PSTPIP2: variants seen among roughly 807,000 people sequenced by gnomAD.
PSTPIP2 encodes the protein proline-serine-threonine phosphatase-interacting protein 2.
Under a neutral mutation model 63.3 loss-of-function variants are expected in PSTPIP2, and 33 were observed. That is an observed-to-expected ratio of 0.52 (90% CI 0.40 to 0.70). The LOEUF is 0.70. Among genes scored for constraint, PSTPIP2 ranks in the 30% least tolerant of loss-of-function variants. The pLI is 0.00. For missense variants in PSTPIP2, 312 were observed against 400.7 expected (o/e 0.78, Z 1.89); for synonymous variants, 125 against 132.7 (o/e 0.94, Z 0.40).
rs1458810143 is a variant in PSTPIP2 at position 46,072,209 on chromosome 18, G to T, written c.-21C>A. 1 of 1,533,528 alleles carries T rather than the reference G, an allele frequency of 6.5e-7. No homozygotes were observed. The highest frequency in any genetic ancestry group is 8.8e-7 in the Non-Finnish European group (1 of 1,140,104). The allele number at this position is 1,533,528 out of a possible 1,614,324, so 95.0% of individuals were successfully genotyped here. On this transcript the variant is annotated 5_prime_UTR_variant, in exon 1 of 15. Coordinates refer to ENST00000409746, the MANE Select transcript of PSTPIP2 (RefSeq NM_024430.4). ...GTCATCGCAGCGCGAGTGGGGGCGC[G>T]GAGGAGAGCCGGGCCGCAGGTAGCA...
chr18:46,021,442 A>T (rs1789414), intron 3 of PSTPIP2, among the ~76,000 whole-genome samples: 47,607 of 149,830 alleles, frequency 0.32, 10,772 homozygotes, highest in African/African-American at 0.63. Flanking sequence ...TATATATATA[A>T]AAAACCAAAT....
chr18:45,995,178 G>A (rs888660381), intron 9 of PSTPIP2, among the ~76,000 whole-genome samples: 4 of 152,066 alleles, frequency 2.6e-5, no homozygotes, highest in South Asian at 4.1e-4. Flanking sequence ...GCAGTGGTGC[G>A]CTCATGGCTC....
intron 12 of PSTPIP2, 103 bp from the exon 13 acceptor site, chr18:45,990,859 T>G: frequency 1.1e-6 from 1 of 944,794 alleles, no homozygotes; most frequent in Non-Finnish European, 1.6e-6. Flanking sequence ...AGATCTGGTT[T>G]CTGCACTGGA....
At chr18:46,004,830 A>G (rs781557586) in intron 6 of PSTPIP2, among the ~76,000 whole-genome samples, 3 of 152,212 alleles carry the variant, frequency 2.0e-5, no homozygotes, top group Non-Finnish European at 2.9e-5. Flanking sequence ...AAGCAGAACT[A>G]CCATTTGACC....
chr18:46,025,926 T>G (rs907664838), intron 2 of PSTPIP2, among the ~76,000 whole-genome samples: 2 of 152,146 alleles, frequency 1.3e-5, no homozygotes, highest in Non-Finnish European at 1.5e-5. Context: ...AGCTAATTTT[T>G]GTATTTTTAG....
At chr18:46,028,318 A>G in intron 2 of PSTPIP2, 1 of 469,478 alleles carries the variant, frequency 2.1e-6, no homozygotes, top group African/African-American at 2.0e-5. Context: ...GGCGGACTGG[A>G]AAGCCGGAGC....
At chr18:46,037,482 G>T (rs1345386595) in intron 2 of PSTPIP2, among the ~76,000 whole-genome samples, 1 of 152,264 alleles carries the variant, frequency 6.6e-6, no homozygotes, top group Non-Finnish European at 1.5e-5. Context: ...GTCAAATAAT[G>T]TTTAAGACTC....
chr18:46,001,279 C>T (rs144412134), intron 6 of PSTPIP2, among the ~76,000 whole-genome samples: 1 of 152,232 alleles, frequency 6.6e-6, no homozygotes, highest in African/African-American at 2.4e-5. Context: ...TTTTTGATAA[C>T]AGCCATCCTA....
chr18:46,072,119 C>A (rs1398810011), intron 1 of PSTPIP2, 37 bp downstream of exon 1: 1 of 1,526,182 alleles, frequency 6.6e-7, no homozygotes, highest in African/African-American at 1.4e-5. Flanking sequence ...GGGCCGGGTC[C>A]TGAGCCCCGC....
chr18:46,053,103 T>C (rs1246329341), intron 1 of PSTPIP2, among the ~76,000 whole-genome samples: 1 of 152,186 alleles, frequency 6.6e-6, no homozygotes, highest in Non-Finnish European at 1.5e-5. Context: ...GTGTCCATTG[T>C]TTATTCCAAG....
At chr18:46,047,843 A>C (rs1263942807) in intron 1 of PSTPIP2, among the ~76,000 whole-genome samples, 2 of 152,284 alleles carry the variant, frequency 1.3e-5, no homozygotes, top group Non-Finnish European at 2.9e-5. Context: ...TAATGGATTT[A>C]GTATTCATTT....
At chr18:46,037,725 GC>G (rs1243401468) in intron 2 of PSTPIP2, among the ~76,000 whole-genome samples, 1 of 152,180 alleles carries the variant, frequency 6.6e-6, no homozygotes, top group Non-Finnish European at 1.5e-5. Context: ...GAGGCCCAAA[GC>G]CAAGCAGGCC....
chr18:46,061,864 T>G (rs2144132865), intron 1 of PSTPIP2, among the ~76,000 whole-genome samples: 1 of 152,286 alleles, frequency 6.6e-6, no homozygotes, highest in South Asian at 2.1e-4. Flanking sequence ...TTACAAGAGG[T>G]GGGGCCACCA....
intron 1 of PSTPIP2, among the ~76,000 whole-genome samples, chr18:46,067,693 T>C (rs1339989329): frequency 6.6e-6 from 1 of 152,148 alleles, no homozygotes; most frequent in African/African-American, 2.4e-5. Context: ...CAAGTCCAAA[T>C]AAGGCAACCA....
chr18:45,999,412 C>G (rs371042505), intron 7 of PSTPIP2, 24 bp downstream of exon 7: 7 of 1,610,730 alleles, frequency 4.3e-6, no homozygotes, highest in Non-Finnish European at 4.2e-6. Flanking sequence ...TCAGATTTTT[C>G]GGGTTGTTAG....
intron 2 of PSTPIP2, among the ~76,000 whole-genome samples, chr18:46,039,259 T>A (rs993857572): frequency 6.6e-6 from 1 of 152,118 alleles, no homozygotes; most frequent in African/African-American, 2.4e-5. Context: ...AAAAATCTTA[T>A]CCATTTTTAA....
At chr18:46,040,892 G>A (rs919071702) in intron 1 of PSTPIP2, 5 of 406,372 alleles carry the variant, frequency 1.2e-5, no homozygotes, top group Non-Finnish European at 2.5e-5. Flanking sequence ...CCAAATTCAG[G>A]CCAGGAGAGG....
intron 2 of PSTPIP2, chr18:46,028,404 G>A: frequency 1.9e-6 from 1 of 526,064 alleles, no homozygotes; most frequent in Non-Finnish European, 3.7e-6. Context: ...GCGCGGCGAG[G>A]GAAGAGGAGA....
intron 10 of PSTPIP2, among the ~76,000 whole-genome samples, chr18:45,993,096 A>C (rs1025419368): frequency 2.0e-5 from 3 of 151,846 alleles, no homozygotes; most frequent in Non-Finnish European, 4.4e-5. Context: ...CCTTGGCTGA[A>C]TTTTTTTTCT....
Sources: allele counts gnomAD v4.1 joint callset (sites outside exome capture counted in the v4.1 genomes callset), GRCh38; gene constraint gnomAD v4.1.1; transcripts MANE v1.5; gene names NCBI Gene and HGNC (gene_info 2026-07-23, HGNC 2026-07-21).